MYO1E: variants seen among roughly 807,000 people sequenced by gnomAD.
The protein encoded by MYO1E is unconventional myosin-Ie.
In MYO1E, 68 loss-of-function variants were observed where a neutral mutation model predicts 151.1. The ratio of observed to expected loss-of-function variants is 0.45; its 90% CI spans 0.37 to 0.55. The LOEUF is 0.55. Ranked by LOEUF, MYO1E falls within the 20% of genes least tolerant of loss-of-function variation. The pLI is 0.00. For synonymous variants in MYO1E, 601 were observed against 501.7 expected (o/e 1.20, Z -2.64); for missense variants, 1,363 against 1,389.3 (o/e 0.98, Z 0.30).
Position 59,153,777 on chromosome 15 carries a change from C to G in MYO1E, c.2893G>C (p.Gly965Arg). ...APPPPGYHQNGVIRNQYVPYP... is the reference protein window; with the variant it reads ...APPPPGYHQNRVIRNQYVPYP... Reference sequence around the variant, plus strand: ...GGCACATACTGGTTTCTGATGACTCCGTTCTGATGGTATCCTAGAGAGAGG... The same window carrying G: ...GGCACATACTGGTTTCTGATGACTCGGTTCTGATGGTATCCTAGAGAGAGG... Residue 965 changes from glycine to arginine, a missense_variant, in exon 26 of 28, where the codon GGA (glycine) becomes CGA (arginine). Physicochemically the swap from Gly to Arg is moderately radical, Grantham distance 125. Coordinates refer to ENST00000288235, the MANE Select transcript of MYO1E (RefSeq NM_004998.4). 6.2e-7 allele frequency: 1 copy of G among 1,613,474 alleles called. No individual in the cohort carries two copies. Among genetic ancestry groups the G allele is most frequent in the Non-Finnish European group, 8.5e-7 (1 of 1,179,424 alleles).
chr15:59,158,367 C>A lies in MYO1E; in HGVS notation c.2798G>T (p.Arg933Met), dbSNP rs1255536602. The A allele has an allele frequency of 6.4e-7, 1 of 1,563,516 alleles. No individual in the cohort carries two copies. Among genetic ancestry groups the A allele is most frequent in the African/African-American group, 1.4e-5 (1 of 73,834 alleles). ...ATAACCTGTATTTTGGGTAGTGTTC[C>A]TTCTGGTAGGACCTGAAATAAACAA... Reference protein sequence around the residue: ...GLPKNSRPTRRNTTQNTGYSS... With the variant: ...GLPKNSRPTRMNTTQNTGYSS... The change falls in exon 25 of 28, where the codon AGG becomes ATG. Residue 933 changes from arginine to methionine, a missense_variant. Coordinates refer to ENST00000288235, the MANE Select transcript of MYO1E (RefSeq NM_004998.4).
At chr15:59,257,899 G>A (rs1596387905) in intron 3 of MYO1E, among the ~76,000 whole-genome samples, 6 of 152,186 alleles carry the variant, frequency 3.9e-5, no homozygotes, top group Admixed American at 3.3e-4. Context: ...GATTGTGCAG[G>A]ATTATTATAA....
At chr15:59,191,697 G>A (rs1373312422) in intron 17 of MYO1E, among the ~76,000 whole-genome samples, 2 of 152,150 alleles carry the variant, frequency 1.3e-5, no homozygotes, top group Non-Finnish European at 1.5e-5. Context: ...TGGTAGAAAT[G>A]AGTCTAGCAA....
In MYO1E at chr15:59,159,634, T is replaced by C. The variant is rs1302631637; in HGVS notation, c.2786-1255A>G. 3.3e-5 allele frequency among the ~76,000 whole-genome samples: 5 copies of C among 152,214 alleles called. No homozygotes were observed. The highest frequency in any genetic ancestry group is 1.2e-4 in the African/African-American group (5 of 41,456). On this transcript the variant is annotated intron_variant, in intron 24 of 27. Transcript: ENST00000288235. The surrounding 1 kb of genome is among the most constrained non-coding windows in gnomAD (Gnocchi z 4.4). ...TCCCTACTTTGTTCCCTAAACCCCG[T>C]CCACATCTTTTCACTGAAAAATCGC...
At chr15:59,276,862 T>G (rs2080322140) in intron 1 of MYO1E, among the ~76,000 whole-genome samples, 1 of 152,176 alleles carries the variant, frequency 6.6e-6, no homozygotes, top group Non-Finnish European at 1.5e-5. Context: ...GGAAGGATTA[T>G]TCTCTCCTGA....
intron 1 of MYO1E, among the ~76,000 whole-genome samples, chr15:59,275,859 A>G (rs1270467476): frequency 2.0e-5 from 3 of 152,220 alleles, no homozygotes; most frequent in Non-Finnish European, 4.4e-5. Flanking sequence ...CCCCACAGTG[A>G]AACAAAAACC....
chr15:59,275,231 AGACT>A (rs2080311247), intron 1 of MYO1E, among the ~76,000 whole-genome samples: 1 of 152,238 alleles, frequency 6.6e-6, no homozygotes, highest in South Asian at 2.1e-4. Flanking sequence ...ATGGAATGAC[AGACT>A]GTCTCCAAAA....
intron 25 of MYO1E, among the ~76,000 whole-genome samples, chr15:59,155,645 C>G (rs751828987): frequency 1.3e-5 from 2 of 152,182 alleles, no homozygotes; most frequent in Non-Finnish European, 2.9e-5. Context: ...TCCACTGGAA[C>G]CAGCGCACAC....
intron 16 of MYO1E, among the ~76,000 whole-genome samples, chr15:59,199,388 T>A (rs923158372): frequency 6.6e-6 from 1 of 152,142 alleles, no homozygotes; most frequent in Non-Finnish European, 1.5e-5. Flanking sequence ...CGGCCTGCAT[T>A]ATACTTTATA....
chr15:59,371,507 T>C (rs2080944346), intron 1 of MYO1E, among the ~76,000 whole-genome samples: 1 of 151,036 alleles, frequency 6.6e-6, no homozygotes, highest in South Asian at 2.1e-4. Context: ...CAAAGAAAAG[T>C]ACACCACGCC....
intron 18 of MYO1E, among the ~76,000 whole-genome samples, chr15:59,184,465 A>G (rs1459820316): frequency 1.3e-5 from 2 of 151,882 alleles, no homozygotes; most frequent in Non-Finnish European, 2.9e-5. Flanking sequence ...AGTTCAAGCA[A>G]TTTTCCCGCC....
intron 4 of MYO1E, among the ~76,000 whole-genome samples, chr15:59,239,409 C>G (rs2080086722): frequency 1.3e-5 from 2 of 151,250 alleles, no homozygotes; most frequent in African/African-American, 4.8e-5. Context: ...CACATTTAAA[C>G]TTTACTAGAA....
At chr15:59,358,320 T>C (rs1352312510) in intron 1 of MYO1E, among the ~76,000 whole-genome samples, 5 of 152,100 alleles carry the variant, frequency 3.3e-5, no homozygotes, top group Non-Finnish European at 7.4e-5. Flanking sequence ...TGGCCTTACT[T>C]ATGTTTCCTC....
chr15:59,298,777 C>A (rs1312431233), intron 1 of MYO1E, among the ~76,000 whole-genome samples: 5 of 152,198 alleles, frequency 3.3e-5, no homozygotes, highest in African/African-American at 7.2e-5. Context: ...TCATTCAGTT[C>A]AAAGAGGTTG....
At chr15:59,144,115 G>A (rs1372890157) in intron 26 of MYO1E, among the ~76,000 whole-genome samples, 1 of 152,136 alleles carries the variant, frequency 6.6e-6, no homozygotes, top group Non-Finnish European at 1.5e-5. Flanking sequence ...AACCTGAGCA[G>A]ATTCAGGCAA....
At chr15:59,290,093 G>A (rs995226169) in intron 1 of MYO1E, among the ~76,000 whole-genome samples, 3 of 152,196 alleles carry the variant, frequency 2.0e-5, no homozygotes, top group African/African-American at 7.2e-5. Context: ...CTAGAAACAG[G>A]GAGGTACTGT....
At chr15:59,223,485 T>C (rs2079969174) in intron 8 of MYO1E, among the ~76,000 whole-genome samples, 1 of 152,190 alleles carries the variant, frequency 6.6e-6, no homozygotes, top group Non-Finnish European at 1.5e-5. Context: ...AAGCATAGCA[T>C]GCCATCCTCC....
chr15:59,261,394 A>G (rs757725751), intron 3 of MYO1E, 26 bp downstream of exon 3: 1 of 1,501,494 alleles, frequency 6.7e-7, no homozygotes, highest in Admixed American at 1.7e-5. Context: ...TAAATAAGGC[A>G]GTAATTTATG....
intron 1 of MYO1E, among the ~76,000 whole-genome samples, chr15:59,311,261 G>A (rs2080549886): frequency 6.6e-6 from 1 of 151,998 alleles, no homozygotes. Context: ...ACGGTTTCAG[G>A]TTGAAACCGT....
Sources: allele counts gnomAD v4.1 joint callset (sites outside exome capture counted in the v4.1 genomes callset), GRCh38; gene constraint gnomAD v4.1.1; non-coding constraint Gnocchi (gnomAD v3.1); transcripts MANE v1.5; gene names NCBI Gene and HGNC (gene_info 2026-07-23, HGNC 2026-07-21).